The following EYS variants were observed in gnomAD, a reference collection of about 807,000 sequenced individuals.
The protein encoded by EYS is EGF-like photoreceptor maintenance factor.
In EYS, 250 loss-of-function variants were observed where a neutral mutation model predicts 282.1. That is an observed-to-expected ratio of 0.89 (90% CI 0.80 to 0.98). The LOEUF (loss-of-function observed/expected upper bound fraction) is 0.98, where lower values mean the gene tolerates loss of function less well. Ranked by LOEUF, EYS falls within the 50% of genes least tolerant of loss-of-function variation. EYS has a pLI of 0.00. For missense variants in EYS, 4,016 were observed against 3,709.0 expected (o/e 1.08, Z -2.15); for synonymous variants, 1,355 against 1,282.9 (o/e 1.06, Z -1.20).
chr6:64,063,447 T>C (rs768739980), intron 33 of EYS, among the ~76,000 whole-genome samples: 3 of 152,196 alleles, frequency 2.0e-5, no homozygotes, highest in Non-Finnish European at 4.4e-5. Context: ...TTTTCACTCC[T>C]AGTATTTAAT....
chr6:64,339,363 C>G (rs182604378), intron 29 of EYS, among the ~76,000 whole-genome samples: 2 of 151,862 alleles, frequency 1.3e-5, no homozygotes, highest in Non-Finnish European at 2.9e-5. Flanking sequence ...AAATGGCCAA[C>G]AAACATGAAA....
intron 29 of EYS, among the ~76,000 whole-genome samples, chr6:64,345,755 T>A (rs1771360497): frequency 6.6e-6 from 1 of 151,820 alleles, no homozygotes; most frequent in African/African-American, 2.4e-5. Context: ...ACCATCAGAG[T>A]GAACAGGCAA....
intron 13 of EYS, among the ~76,000 whole-genome samples, chr6:65,037,982 TGAGAAA>T (rs1772821123): frequency 6.6e-6 from 1 of 151,630 alleles, no homozygotes; most frequent in African/African-American, 2.4e-5. Flanking sequence ...CCTCCAACAG[TGAGAAA>T]CCTAGCTTCA....
intron 7 of EYS, among the ~76,000 whole-genome samples, chr6:65,389,987 T>C (rs1210060202): frequency 6.6e-6 from 1 of 152,002 alleles, no homozygotes; most frequent in Non-Finnish European, 1.5e-5. Context: ...GGAGGTCCTG[T>C]TGCTTTTTTA....
intron 15 of EYS, among the ~76,000 whole-genome samples, chr6:64,932,880 A>G (rs1768771867): frequency 6.6e-6 from 1 of 152,112 alleles, no homozygotes. Flanking sequence ...CCAGTGAAAC[A>G]CTAGACAAAT....
intron 31 of EYS, among the ~76,000 whole-genome samples, chr6:64,110,604 T>C (rs1008874837): frequency 4.6e-5 from 7 of 152,192 alleles, no homozygotes; most frequent in African/African-American, 1.7e-4. Context: ...GGAATTTTAT[T>C]AATTGAAGCT....
chr6:64,601,139 T>C (rs1766748053), intron 24 of EYS, among the ~76,000 whole-genome samples: 1 of 152,032 alleles, frequency 6.6e-6, no homozygotes, highest in African/African-American at 2.4e-5. Flanking sequence ...AGCCTCTAGT[T>C]TGGAATTTAT....
Position 63,777,989 on chromosome 6 carries a change from A to G in EYS, c.7898+17T>C. 6.4e-7 allele frequency: 1 copy of G among 1,550,736 alleles called. No individual in the cohort carries two copies. On this transcript the variant is annotated intron_variant, in intron 40 of 42. Coordinates refer to ENST00000503581, the MANE Select transcript of EYS (RefSeq NM_001142800.2). ...CAAACAACCTGCTACTTTCATTCCT[A>G]ATAACGTCATACTTACTAAACACTA...
chr6:64,945,478 A>AT (rs1366439624), intron 15 of EYS, among the ~76,000 whole-genome samples: 1 of 152,124 alleles, frequency 6.6e-6, no homozygotes, highest in African/African-American at 2.4e-5. Flanking sequence ...GGTAGTTCTC[A>AT]TACTGCATGG....
intron 41 of EYS, among the ~76,000 whole-genome samples, chr6:63,756,167 T>A (rs765682117): frequency 2.6e-5 from 4 of 152,168 alleles, no homozygotes; most frequent in Non-Finnish European, 5.9e-5. Flanking sequence ...AATATTATTT[T>A]AACAGGAGTG....
intron 29 of EYS, among the ~76,000 whole-genome samples, chr6:64,343,335 A>T (rs1203465843): frequency 6.6e-6 from 1 of 152,032 alleles, no homozygotes; most frequent in Non-Finnish European, 1.5e-5. Context: ...AATGTAAAAG[A>T]ACAGAAATTA....
intron 39 of EYS, among the ~76,000 whole-genome samples, chr6:63,778,674 C>G (rs1468474456): frequency 6.6e-6 from 1 of 151,930 alleles, no homozygotes; most frequent in Non-Finnish European, 1.5e-5. Context: ...ATGTGTATAT[C>G]TTTGTCCATT....
chr6:65,185,617 T>C (rs1292323305), intron 12 of EYS, among the ~76,000 whole-genome samples: 1 of 151,850 alleles, frequency 6.6e-6, no homozygotes, highest in East Asian at 1.9e-4. Context: ...CTTACTTTAA[T>C]TTCAAAGAAG....
chr6:65,389,701 ATG>A (rs1362956332), intron 7 of EYS, among the ~76,000 whole-genome samples: 1 of 152,104 alleles, frequency 6.6e-6, no homozygotes, highest in East Asian at 1.9e-4. Context: ...AGTAATGTAA[ATG>A]AATACTGGCA....
intron 33 of EYS, among the ~76,000 whole-genome samples, chr6:64,015,253 T>C (rs1274907974): frequency 6.6e-6 from 1 of 152,154 alleles, no homozygotes; most frequent in Non-Finnish European, 1.5e-5. Flanking sequence ...AGATGATACA[T>C]AAAATTTGAG....
intron 30 of EYS, among the ~76,000 whole-genome samples, chr6:64,235,824 A>C (rs1361137349): frequency 6.6e-6 from 1 of 152,146 alleles, no homozygotes; most frequent in African/African-American, 2.4e-5. Flanking sequence ...AATTGTGGCA[A>C]TAATCAATAG....
intron 35 of EYS, among the ~76,000 whole-genome samples, chr6:63,962,571 C>G (rs1322505512): frequency 2.6e-5 from 4 of 152,148 alleles, no homozygotes; most frequent in Non-Finnish European, 5.9e-5. Flanking sequence ...TACCATCTCA[C>G]ACCAGTTGGA....
At chr6:65,534,101 C>T (rs1767882474) in intron 2 of EYS, among the ~76,000 whole-genome samples, 1 of 151,954 alleles carries the variant, frequency 6.6e-6, no homozygotes, top group Non-Finnish European at 1.5e-5. Flanking sequence ...ATTTGGCTCT[C>T]TAAGGTTAAT....
intron 33 of EYS, among the ~76,000 whole-genome samples, chr6:64,045,973 A>G (rs145492103): frequency 0.032 from 4,781 of 147,586 alleles, 237 homozygotes; most frequent in African/African-American, 0.1. Flanking sequence ...TATGTAATCT[A>G]TAATACGTAT....
Sources: gnomAD v4.1 joint callset for allele counts (sites outside exome capture counted in the v4.1 genomes callset) on GRCh38, gnomAD v4.1.1 for gene constraint, MANE v1.5 for transcripts, NCBI Gene and HGNC (gene_info 2026-07-23, HGNC 2026-07-21) for gene names.